ATG9B: variants seen among roughly 807,000 people sequenced by gnomAD.
The protein encoded by ATG9B is autophagy-related protein 9B.
ATG9B carries 92 observed loss-of-function variants against 92.9 expected under a neutral mutation model. The observed-to-expected ratio is 0.99, with a 90% CI of 0.84 to 1.18. ATG9B has a LOEUF of 1.18. Among genes scored for constraint, ATG9B ranks in the 50% most tolerant of loss-of-function variants. The probability of loss-of-function intolerance (pLI) is 0.00; values close to 1 mark genes in which losing one functional copy is unlikely to be tolerated. For synonymous variants in ATG9B, 599 were observed against 551.4 expected (o/e 1.09, Z -1.21); for missense variants, 1,344 against 1,235.0 (o/e 1.09, Z -1.32).
In ATG9B at chr7:151,022,090, G is replaced by A. The variant is rs188185122; in HGVS notation, c.822-761C>T. 1.1e-3 allele frequency among the ~76,000 whole-genome samples: 166 copies of A among 148,320 alleles called. 10 individuals carry two copies. Among genetic ancestry groups the A allele is most frequent in the Admixed American group, 1.7e-3 (26 of 14,974 alleles). ...AGCTCCTATCTCCCTGCCAAATAAC[G>A]GCCCAGGTCTGGAACAGTTATTTGG... On this transcript the variant is annotated intron_variant, in intron 4 of 13. Coordinates refer to ENST00000639579, the MANE Select transcript of ATG9B (RefSeq NM_001317056.2).
downstream of ATG9B, chr7:151,012,622 G>A (rs1048546435): frequency 2.1e-6 from 2 of 930,382 alleles, no homozygotes; most frequent in Non-Finnish European, 3.1e-6. Flanking sequence ...GGGAGGGCAG[G>A]TACCAAAGGC....
At chr7:151,013,311 A>C (rs770598530), downstream of ATG9B, 2 of 1,614,084 alleles carry the variant, frequency 1.2e-6, no homozygotes, top group East Asian at 4.5e-5. Flanking sequence ...CGAGGTGCAG[A>C]ACGCCCAGCA....
Position 151,023,228 on chromosome 7 carries a change from G to A in ATG9B, c.660-22C>T, listed in dbSNP as rs111687595. ...TTGTCTGCCGGGAGGAAGGGGGGGT[G>A]CCGGGATGCTGCAGTGATCAGGGAC... On this transcript the variant is annotated intron_variant, in intron 3 of 13. Coordinates refer to ENST00000639579, the MANE Select transcript of ATG9B (RefSeq NM_001317056.2). 1.2e-3 allele frequency: 1,990 copies of A among 1,613,982 alleles called. 28 individuals carry two copies. In the African/African-American group the frequency reaches 0.024, roughly 19 times the overall value.
chr7:151,023,675 C>T lies in ATG9B; in HGVS notation c.594+12G>A, dbSNP rs373691815. 121 of 1,613,820 alleles carry T rather than the reference C, an allele frequency of 7.5e-5. No homozygotes were observed. The Middle Eastern group carries it at 1.3e-3, about 18-fold the overall frequency. On this transcript the variant is annotated intron_variant, in intron 2 of 13. Coordinates refer to ENST00000639579, the MANE Select transcript of ATG9B (RefSeq NM_001317056.2). ...TCCCATGCCACCTCTGCAGGCCTAG[C>T]GCAAAGGATATCTTGGTGAAGAAAC...
intron 5 of ATG9B, 47 bp from the exon 6 acceptor site, chr7:151,019,421 C>T (rs1444598127): frequency 6.7e-7 from 1 of 1,488,220 alleles, no homozygotes; most frequent in Admixed American, 2.4e-5. Context: ...TTCCTCTCCA[C>T]AGTGATGCTC....
rs1176428042 is a variant in ATG9B, at chr7:151,019,177, G to T, written c.1161C>A (p.Gly387=). The change falls in exon 6 of 14, where the codon GGC becomes GGA. Residue 387 remains glycine (G), a synonymous_variant. Coordinates refer to ENST00000639579, the MANE Select transcript of ATG9B (RefSeq NM_001317056.2). The stretch of plus-strand genomic sequence containing the variant: ...GGCCGCGGCTGAGGAAAGCCGCACT[G>T]CCTCCCCAGGGCAGCGGGCAGCGGG... The part of the protein sequence containing the change: ...LPARCPLPWG[G]SAAFLSRGLA... 3 of 1,536,710 alleles carry T rather than the reference G, an allele frequency of 2.0e-6. No homozygotes were observed. In the Admixed American group the frequency reaches 5.9e-5, roughly 30 times the overall value.
chr7:151,015,861 C>T (rs1318337633), intron 13 of ATG9B, 21 bp downstream of exon 13: 1 of 1,541,706 alleles, frequency 6.5e-7, no homozygotes, highest in Non-Finnish European at 8.8e-7. Context: ...TCTCCCTCCC[C>T]TCACAGGAGG....
In ATG9B at chr7:151,016,230, G is replaced by C. The variant is rs1795476283; in HGVS notation, c.2526C>G (p.His842Gln). ...ACGGCTCCTGCTGCTGCTGCTGCTGGTGAAGCTGCATGGAAAGGAGGAGGA... is the reference window on the plus strand; with the variant it reads ...ACGGCTCCTGCTGCTGCTGCTGCTGCTGAAGCTGCATGGAAAGGAGGAGGA... Reference protein sequence around the residue: ...SLHVIYLHQLHQQQQQQEPWG... With the variant: ...SLHVIYLHQLQQQQQQQEPWG... Residue 842 changes from histidine to glutamine, a missense_variant, in exon 12 of 14, where the codon CAC becomes CAG. Transcript: ENST00000639579. 2.7e-6 allele frequency: 4 copies of C among 1,492,578 alleles called. No homozygotes were observed. Among genetic ancestry groups the C allele is most frequent in the Non-Finnish European group, 1.8e-6 (2 of 1,117,588 alleles). The allele number at this position is 1,492,578 out of a possible 1,614,324, so 92.5% of individuals were successfully genotyped here.
chr7:151,019,185 AG>A lies in ATG9B; in HGVS notation c.1152del (p.Trp385GlyfsTer47). 1.3e-6 allele frequency: 2 copies of A among 1,537,008 alleles called. No homozygotes were observed. Among genetic ancestry groups the A allele is most frequent in the Non-Finnish European group, 1.7e-6 (2 of 1,146,644 alleles). On this transcript the variant is annotated frameshift_variant, in exon 6 of 14. Transcript: ENST00000639579. LOFTEE classifies it high-confidence loss of function. ...KGLLPARCPL[P>X]WGGSAAFLSR... ...CTGAGGAAAGCCGCACTGCCTCCCC[AG>A]GGCAGCGGGCAGCGGGCCGGCAGCA...
chr7:151,023,367 A>C (rs1353725916), intron 3 of ATG9B, 78 bp downstream of exon 3: 7 of 1,600,442 alleles, frequency 4.4e-6, no homozygotes, highest in Non-Finnish European at 6.0e-6. Context: ...AGCAGCTGGC[A>C]CAATTAAGGA....
chr7:151,018,340 C>T lies in ATG9B; in HGVS notation c.1826G>A (p.Arg609Lys). The change falls in exon 7 of 14, where the codon AGG becomes AAG. Residue 609 changes from arginine (R) to lysine (K), a missense_variant. Coordinates refer to ENST00000639579, the MANE Select transcript of ATG9B (RefSeq NM_001317056.2). This position sits in a 1 kb window ranked among gnomAD's most constrained non-coding sequence, Gnocchi z 4.7. Reference protein sequence around the residue: ...YLPEEPGPGGRDRAYRQMAQL... With the variant: ...YLPEEPGPGGKDRAYRQMAQL... ...CGCCATCTGCCGGTAGGCGCGGTCC[C>T]TGCCGCCGGGGCCGGGCTCCTCCGG... 1 of 1,595,486 alleles carries T rather than the reference C, an allele frequency of 6.3e-7. No individual in the cohort carries two copies. Among genetic ancestry groups the T allele is most frequent in the Non-Finnish European group, 8.5e-7 (1 of 1,173,602 alleles).
At position 151,023,878 on chromosome 7, in the gene ATG9B, G is replaced by A. The variant is rs527945668; in HGVS notation, c.546C>T (p.Leu182=). 275 of 1,610,626 alleles carry A rather than the reference G, an allele frequency of 1.7e-4. 1 individual carries two copies. In the South Asian group the frequency reaches 2.9e-3, roughly 17 times the overall value. The part of the protein sequence containing the change: ...QQPLLHVPEG[L]RGSWHHIQNL... ...CACCCACACCCACACACATACCTCG[G>A]AGCCCTTCAGGGACATGAAGCAGGG... The change falls in exon 1 of 14, where the codon CTC becomes CTT. Residue 182 remains leucine, a synonymous_variant. Transcript: ENST00000639579.
chr7:151,016,717 G>A lies in ATG9B; in HGVS notation c.2394C>T (p.Ala798=). 1 of 1,608,454 alleles carries A rather than the reference G, an allele frequency of 6.2e-7. No homozygotes were observed. The highest frequency in any genetic ancestry group is 8.5e-7 in the Non-Finnish European group (1 of 1,177,148). Residue 798 remains alanine, a synonymous_variant, in exon 10 of 14, where the codon GCC becomes GCT. Coordinates refer to ENST00000639579, the MANE Select transcript of ATG9B (RefSeq NM_001317056.2). ...CPAAATASLL[A]SISRIAQDPS... is the part of the protein sequence containing the mutation. The stretch of plus-strand genomic sequence containing the variant: ...GGTCCTGGGCAATTCGGGAAATGGA[G>A]GCAAGGAGGCTGGCTGTGGCCGCAG...
In ATG9B at chr7:151,018,125, A is replaced by G; in HGVS notation, c.1873-75T>C. On this transcript the variant is annotated intron_variant, in intron 7 of 13. Coordinates refer to ENST00000639579, the MANE Select transcript of ATG9B (RefSeq NM_001317056.2). The surrounding 1 kb of genome is among the most constrained non-coding windows in gnomAD (Gnocchi z 4.7). The stretch of plus-strand genomic sequence containing the variant: ...GCGTTATCAGGACCAAGCAGTCCCC[A>G]GCGACCCTCGCCAGGGCAAGAAGCC... 6.7e-7 allele frequency: 1 copy of G among 1,485,420 alleles called. No individual in the cohort carries two copies. The highest frequency in any genetic ancestry group is 1.4e-5 in the South Asian group (1 of 73,610). 92.0% of individuals were successfully genotyped at this position (1,485,420 alleles called of 1,614,324 possible).
rs760827804 is a variant in ATG9B at position 151,018,009 on chromosome 7, C to T, written c.1914G>A (p.Pro638=). 7.5e-6 allele frequency: 12 copies of T among 1,601,668 alleles called. No homozygotes were observed. The highest frequency in any genetic ancestry group is 5.4e-5 in the African/African-American group (4 of 74,734). The change falls in exon 8 of 14, where the codon CCG becomes CCA. Residue 638 remains proline (P), a synonymous_variant. Transcript: ENST00000639579. The surrounding 1 kb of genome is among the most constrained non-coding windows in gnomAD (Gnocchi z 4.7). ...GGCGGAACCAGAAAAGCAGAAACAG[C>T]GGGGTGAGGAGCGGGGACAGGAGCT... ...LEELLSPLLT[P]LFLLFWFRPR...
chr7:151,018,319 A>C lies in ATG9B; in HGVS notation c.1847T>G (p.Met616Arg), dbSNP rs1270065996. 1 of 1,584,154 alleles carries C rather than the reference A, an allele frequency of 6.3e-7. No homozygotes were observed. The highest frequency in any genetic ancestry group is 1.4e-5 in the African/African-American group (1 of 74,000). Reference protein sequence around the residue: ...PGGRDRAYRQMAQLLQYRAVS... With the variant: ...PGGRDRAYRQRAQLLQYRAVS... ...CGCTCGGTACTGCAGCAGCTGCGCC[A>C]TCTGCCGGTAGGCGCGGTCCCTGCC... is the stretch of plus-strand genomic sequence containing the variant. The change falls in exon 7 of 14, where the codon ATG becomes AGG. Residue 616 changes from methionine to arginine, a missense_variant. Coordinates refer to ENST00000639579, the MANE Select transcript of ATG9B (RefSeq NM_001317056.2). The surrounding 1 kb of genome is among the most constrained non-coding windows in gnomAD (Gnocchi z 4.7).
At chr7:151,014,403 C>G, downstream of ATG9B, 1 of 508,930 alleles carries the variant, frequency 2.0e-6, no homozygotes, top group Non-Finnish European at 3.5e-6. Context: ...CTCCCAGCAG[C>G]GGTACCCCAG....
In ATG9B at chr7:151,019,310, C is replaced by G; in HGVS notation, c.1028G>C (p.Gly343Ala). Residue 343 changes from glycine (G) to alanine (A), a missense_variant, in exon 6 of 14, where the codon GGG becomes GCG. Physicochemically the swap from Gly to Ala is moderately conservative, Grantham distance 60. Coordinates refer to ENST00000639579, the MANE Select transcript of ATG9B (RefSeq NM_001317056.2). ...QSRLLALQRS[G>A]GLCVQPRPLT... ...GGGCCGCGGCTGCACGCACAGGCCC[C>G]CGCTCCGCTGCAGTGCCAAGAGGCG... The G allele has an allele frequency of 1.3e-6, 2 of 1,581,818 alleles. No individual in the cohort carries two copies. Among genetic ancestry groups the G allele is most frequent in the South Asian group, 1.1e-5 (1 of 87,730 alleles).
chr7:151,018,937 C>CTCCA lies in ATG9B; in HGVS notation c.1397_1400dup (p.Glu467AspfsTer227). On this transcript the variant is annotated frameshift_variant, in exon 6 of 14. Transcript: ENST00000639579. LOFTEE classifies it high-confidence loss of function. The surrounding 1 kb of genome is among the most constrained non-coding windows in gnomAD (Gnocchi z 4.7). ...GCGCGCCAGGCTCGCGCCGCAGCAGCTCCACGTGGCTATAGAAGACGTGCA... is the reference window on the plus strand; with the variant it reads ...GCGCGCCAGGCTCGCGCCGCAGCAGCTCCATCCACGTGGCTATAGAAGACGTGCA... 6.4e-7 allele frequency: 1 copy of CTCCA among 1,553,456 alleles called. No individual in the cohort carries two copies. The highest frequency in any genetic ancestry group is 8.6e-7 in the Non-Finnish European group (1 of 1,157,706).
Sources: gnomAD v4.1 joint callset for allele counts (sites outside exome capture counted in the v4.1 genomes callset) on GRCh38, gnomAD v4.1.1 for gene constraint, Gnocchi (gnomAD v3.1) non-coding constraint, MANE v1.5 for transcripts, NCBI Gene and HGNC (gene_info 2026-07-23, HGNC 2026-07-21) for gene names.